The following CTNNA2 variants were observed in gnomAD, a reference collection of about 807,000 sequenced individuals.
CTNNA2 encodes catenin alpha-2.
A neutral mutation model predicts 101.0 loss-of-function variants in CTNNA2; 42 were observed. The observed-to-expected ratio is 0.42, with a 90% CI of 0.32 to 0.54. The LOEUF is 0.54. CTNNA2 is among the 20% of genes least tolerant of loss of function. The probability of loss-of-function intolerance (pLI) is 0.14; values close to 1 mark genes in which losing one functional copy is unlikely to be tolerated. For missense variants in CTNNA2, 871 were observed against 1,223.1 expected (o/e 0.71, Z 4.29); for synonymous variants, 450 against 456.4 (o/e 0.99, Z 0.18).
rs554503823 is a variant in CTNNA2, at chr2:80,215,567, C to T, written c.1057-177644C>T. Among the ~76,000 whole-genome samples the T allele has an allele frequency of 1.5e-3, 230 of 152,302 alleles. 2 individuals are homozygous for T. The highest frequency in any genetic ancestry group is 5.2e-3 in the African/African-American group (216 of 41,568). On this transcript the variant is annotated intron_variant, in intron 7 of 18. Transcript: ENST00000402739. Reference sequence around the variant, plus strand: ...GCCTGGGTAACACCAGCTGAGGCTGCAGAACAGCAAATATTGCAGAATGGC... The same window carrying T: ...GCCTGGGTAACACCAGCTGAGGCTGTAGAACAGCAAATATTGCAGAATGGC...
In CTNNA2 at chr2:80,595,278, T is replaced by C. The variant is rs567046935; in HGVS notation, c.2189+5793T>C. Among the ~76,000 whole-genome samples the C allele has an allele frequency of 3.6e-5, 5 of 140,446 alleles. No homozygotes were observed. In the East Asian group the frequency reaches 8.1e-4, roughly 23 times the overall value. 92.1% of individuals were successfully genotyped at this position (140,446 alleles called of 152,430 possible). A position where few individuals can be genotyped will look rare whatever the true frequency, so the allele number is the denominator to read the frequency against. On this transcript the variant is annotated intron_variant, in intron 15 of 18. Coordinates refer to ENST00000402739, the MANE Select transcript of CTNNA2 (RefSeq NM_001282597.3). ...AAATGGAGTTATTTTCTTCATTTTC[T>C]TTTAGGATTTTTTTATTTACTAGTG...
chr2:80,118,102 G>C (rs890749095), intron 7 of CTNNA2, among the ~76,000 whole-genome samples: 3 of 152,126 alleles, frequency 2.0e-5, no homozygotes, highest in African/African-American at 7.2e-5. Flanking sequence ...TCACCCAAAT[G>C]TGGTTTGTTT....
rs1191328983 is a variant in CTNNA2, at chr2:80,188,175, A to C, written c.1057-205036A>C. Among the ~76,000 whole-genome samples, 5 of 152,240 alleles carry C rather than the reference A, an allele frequency of 3.3e-5. 1 individual carries two copies. Among genetic ancestry groups the C allele is most frequent in the African/African-American group, 1.2e-4 (5 of 41,466 alleles). On this transcript the variant is annotated intron_variant, in intron 7 of 18. Coordinates refer to ENST00000402739, the MANE Select transcript of CTNNA2 (RefSeq NM_001282597.3). ...GCTAAAATGCATATTGAATATTTGA[A>C]GCTGACATCAGTCACATGTATCCTT... is the stretch of plus-strand genomic sequence containing the variant.
At chr2:80,265,112 T>C (rs868098243) in intron 7 of CTNNA2, among the ~76,000 whole-genome samples, 1 of 151,746 alleles carries the variant, frequency 6.6e-6, no homozygotes, top group Non-Finnish European at 1.5e-5. Flanking sequence ...GTAGCTGGGA[T>C]TACAGGCGCC....
Position 79,860,546 on chromosome 2 carries a change from G to GTTTTTTTTTTTTTTTTTTTTT in CTNNA2, c.465+2386_465+2387insTTTTTTTTTTTTTTTTTTTTT, listed in dbSNP as rs56929879. ...TTCTCCACACAGCCGAGTAAGGGAAGTTTTTTTTTTTTTTTTTTTAACGAT... is the reference window on the plus strand; with the variant it reads ...TTCTCCACACAGCCGAGTAAGGGAAGTTTTTTTTTTTTTTTTTTTTTTTTTTTTTTTTTTTTTTTTAACGAT... On this transcript the variant is annotated intron_variant, in intron 4 of 18. Coordinates refer to ENST00000402739, the MANE Select transcript of CTNNA2 (RefSeq NM_001282597.3). 1.0e-3 allele frequency among the ~76,000 whole-genome samples: 108 copies of GTTTTTTTTTTTTTTTTTTTTT among 107,168 alleles called. 5 individuals are homozygous for GTTTTTTTTTTTTTTTTTTTTT. Among genetic ancestry groups the GTTTTTTTTTTTTTTTTTTTTT allele is most frequent in the African/African-American group, 3.8e-3 (104 of 27,070 alleles). 70.3% of individuals were successfully genotyped at this position (107,168 alleles called of 152,430 possible). A position where few individuals can be genotyped will look rare whatever the true frequency, so the allele number is the denominator to read the frequency against.
rs1271276229 is a variant in CTNNA2 at position 80,214,762 on chromosome 2, C to CT, written c.1057-178446dup. Among the ~76,000 whole-genome samples, 10 of 152,234 alleles carry CT rather than the reference C, an allele frequency of 6.6e-5. No individual in the cohort carries two copies. The East Asian group carries it at 1.9e-3, about 29-fold the overall frequency. Reference sequence around the variant, plus strand: ...TGGAGTTGCCCTTCTTGAGGAGTATCTTTGTGGCGTTCTCTGTATTTCCTG... The same window carrying CT: ...TGGAGTTGCCCTTCTTGAGGAGTATCTTTTGTGGCGTTCTCTGTATTTCCTG... On this transcript the variant is annotated intron_variant, in intron 7 of 18. Transcript: ENST00000402739.
intron 3 of CTNNA2, among the ~76,000 whole-genome samples, chr2:79,755,363 G>T (rs2105053871): frequency 6.6e-6 from 1 of 152,228 alleles, no homozygotes; most frequent in Middle Eastern, 3.4e-3. Context: ...GTGCATGTGT[G>T]CTAGATCCAG....
intron 7 of CTNNA2, among the ~76,000 whole-genome samples, chr2:80,183,977 G>T (rs892091435): frequency 6.6e-6 from 1 of 151,826 alleles, no homozygotes; most frequent in Non-Finnish European, 1.5e-5. Flanking sequence ...GTGAGCTTGT[G>T]CCTTGTTTTT....
chr2:80,196,632 C>G (rs1706848730), intron 7 of CTNNA2, among the ~76,000 whole-genome samples: 1 of 152,092 alleles, frequency 6.6e-6, no homozygotes, highest in South Asian at 2.1e-4. Context: ...TTTGAGTTTC[C>G]TGCTGAAAAG....
At position 79,936,955 on chromosome 2, in the gene CTNNA2, C is replaced by T. The variant is rs1687834200; in HGVS notation, c.1056+27158C>T. Among the ~76,000 whole-genome samples, 3 of 152,214 alleles carry T rather than the reference C, an allele frequency of 2.0e-5. No individual in the cohort carries two copies. The South Asian group carries it at 6.2e-4, about 32-fold the overall frequency. ...CCGCGAAAGAGCCACTTTTCTTATC[C>T]TGTTTGCTAAGTATTGATGTGAAGG... On this transcript the variant is annotated intron_variant, in intron 7 of 18. Transcript: ENST00000402739.
chr2:79,922,642 CT>C (rs35186079), intron 7 of CTNNA2, among the ~76,000 whole-genome samples: 6,294 of 137,118 alleles, frequency 0.046, 462 homozygotes, highest in African/African-American at 0.16. Flanking sequence ...CAGTTTTTTA[CT>C]TTTTTTTTTT....
intron 9 of CTNNA2, among the ~76,000 whole-genome samples, chr2:80,542,573 G>A (rs1217649766): frequency 4.0e-5 from 6 of 151,608 alleles, no homozygotes; most frequent in Admixed American, 3.9e-4. Context: ...TAAGCGTGTT[G>A]GTATTTTCTT....
intron 4 of CTNNA2, among the ~76,000 whole-genome samples, chr2:79,395,862 T>C (rs544945673): frequency 2.1e-3 from 313 of 152,266 alleles, no homozygotes; most frequent in African/African-American, 7.0e-3. Flanking sequence ...GAGTGCTGTC[T>C]GTGAAATGGA....
intron 7 of CTNNA2, among the ~76,000 whole-genome samples, chr2:80,101,581 C>T (rs896189577): frequency 1.3e-5 from 2 of 152,270 alleles, no homozygotes; most frequent in East Asian, 3.9e-4. Context: ...AAGGAAGAAT[C>T]ATTGAAACAA....
intron 9 of CTNNA2, among the ~76,000 whole-genome samples, chr2:80,500,538 C>T (rs565556031): frequency 1.1e-4 from 17 of 152,176 alleles, no homozygotes; most frequent in Non-Finnish European, 1.9e-4. Context: ...TTACATAATA[C>T]CTCAATGATC....
At chr2:80,243,798 G>T (rs1573494562) in intron 7 of CTNNA2, among the ~76,000 whole-genome samples, 1 of 152,184 alleles carries the variant, frequency 6.6e-6, no homozygotes, top group Non-Finnish European at 1.5e-5. Flanking sequence ...CTACTCTTGG[G>T]TAGGTACCTA....
At chr2:80,148,426 G>C (rs1053527657) in intron 7 of CTNNA2, among the ~76,000 whole-genome samples, 13 of 152,224 alleles carry the variant, frequency 8.5e-5, no homozygotes, top group Non-Finnish European at 1.8e-4. Flanking sequence ...GATCCAGCTG[G>C]CATGTTCCAG....
chr2:80,646,897 G>T (rs1020758182), intron 18 of CTNNA2, among the ~76,000 whole-genome samples: 1 of 152,062 alleles, frequency 6.6e-6, no homozygotes, highest in African/African-American at 2.4e-5. Flanking sequence ...AGGGCATGAC[G>T]ATAATGCCTA....
chr2:79,510,335 A>T (rs1671508360), upstream of CTNNA2, among the ~76,000 whole-genome samples: 1 of 152,212 alleles, frequency 6.6e-6, no homozygotes, highest in Non-Finnish European at 1.5e-5. Context: ...TCACAAGCAG[A>T]CTCAAAACAA....
Sources: gnomAD v4.1 joint callset for allele counts (sites outside exome capture counted in the v4.1 genomes callset) on GRCh38, gnomAD v4.1.1 for gene constraint, MANE v1.5 for transcripts, NCBI Gene and HGNC (gene_info 2026-07-23, HGNC 2026-07-21) for gene names.